GABBR2: variants seen among roughly 807,000 people sequenced by gnomAD.
GABBR2 encodes the protein gamma-aminobutyric acid type B receptor subunit 2.
In GABBR2, 23 loss-of-function variants were observed where a neutral mutation model predicts 105.6. That is an observed-to-expected ratio of 0.22 (90% CI 0.16 to 0.31). The LOEUF (loss-of-function observed/expected upper bound fraction) is 0.31. GABBR2 is among the 10% of genes least tolerant of loss of function. The pLI, the probability that GABBR2 is intolerant of heterozygous loss-of-function variation, is 1.00. For synonymous variants in GABBR2, 478 were observed against 499.7 expected, an observed-to-expected ratio of 0.96 and a Z score of 0.58; for missense variants, 734 against 1,245.5, an observed-to-expected ratio of 0.59 and a Z score of 6.18.
At chr9:98,415,324 T>G (rs181310406) in intron 7 of GABBR2, among the ~76,000 whole-genome samples, 1 of 152,156 alleles carries the variant, frequency 6.6e-6, no homozygotes, top group Non-Finnish European at 1.5e-5. Context: ...CCGGCAAAAA[T>G]AGCAATATCA....
At chr9:98,699,377 C>G (rs985223767) in intron 1 of GABBR2, among the ~76,000 whole-genome samples, 1 of 151,976 alleles carries the variant, frequency 6.6e-6, no homozygotes, top group Admixed American at 6.6e-5. Context: ...TACAGAGCCC[C>G]CAAAAGCACT....
At position 98,481,128 on chromosome 9, in the gene GABBR2, G is replaced by A. The variant is rs138754753; in HGVS notation, c.733-131C>T. ...GAGCTCTGCCTGGGAAGGTGGGCAG[G>A]GCAGAACCTCACCCCCAACCCCAGC... On this transcript the variant is annotated intron_variant, in intron 4 of 18. Coordinates refer to ENST00000259455, the MANE Select transcript of GABBR2 (RefSeq NM_005458.8). 9.8e-5 allele frequency: 68 copies of A among 693,376 alleles called. No individual in the cohort carries two copies. The African/African-American group carries it at 1.0e-3, about 10-fold the overall frequency. 43.0% of individuals were successfully genotyped at this position (693,376 alleles called of 1,614,324 possible). A position where few individuals can be genotyped will look rare whatever the true frequency, so the allele number is the denominator to read the frequency against.
intron 1 of GABBR2, among the ~76,000 whole-genome samples, chr9:98,654,225 G>T (rs1830148041): frequency 6.6e-6 from 1 of 152,108 alleles, no homozygotes; most frequent in Admixed American, 6.5e-5. Flanking sequence ...CTGACACCAC[G>T]GTGCGCTCTA....
chr9:98,605,677 G>A (rs1342208074), intron 1 of GABBR2, among the ~76,000 whole-genome samples: 1 of 152,194 alleles, frequency 6.6e-6, no homozygotes, highest in African/African-American at 2.4e-5. Flanking sequence ...CGTGACATAA[G>A]CAGACTAGTC....
intron 1 of GABBR2, among the ~76,000 whole-genome samples, chr9:98,675,805 G>T (rs1830470071): frequency 6.6e-6 from 1 of 152,060 alleles, no homozygotes; most frequent in South Asian, 2.1e-4. Flanking sequence ...AACCAATGAA[G>T]TTCAGGGTGG....
intron 1 of GABBR2, among the ~76,000 whole-genome samples, chr9:98,704,426 G>T (rs1588290327): frequency 6.6e-6 from 1 of 152,088 alleles, no homozygotes; most frequent in East Asian, 1.9e-4. Flanking sequence ...TAACACATGA[G>T]AAAACATATA....
chr9:98,502,219 G>T (rs1827414799), intron 3 of GABBR2, among the ~76,000 whole-genome samples: 1 of 152,176 alleles, frequency 6.6e-6, no homozygotes, highest in Admixed American at 6.5e-5. Context: ...CAGGTAAACG[G>T]ATGACTCGGA....
intron 11 of GABBR2, among the ~76,000 whole-genome samples, chr9:98,378,912 A>G (rs1372562280): frequency 6.6e-6 from 1 of 152,222 alleles, no homozygotes; most frequent in Non-Finnish European, 1.5e-5. Context: ...AGTAGATAAA[A>G]GAGTTGGGGT....
chr9:98,660,386 A>AT (rs1384346815), intron 1 of GABBR2, among the ~76,000 whole-genome samples: 1 of 152,206 alleles, frequency 6.6e-6, no homozygotes, highest in African/African-American at 2.4e-5. Context: ...GGGAATTACC[A>AT]TTTTTTGCTT....
intron 4 of GABBR2, chr9:98,495,820 C>G (rs1278020212): frequency 6.5e-6 from 1 of 152,850 alleles, no homozygotes; most frequent in Non-Finnish European, 1.5e-5. Context: ...TGAGAGGTCT[C>G]TGTCTTCTTC....
chr9:98,477,645 C>T (rs1290395943), intron 5 of GABBR2, among the ~76,000 whole-genome samples: 1 of 151,990 alleles, frequency 6.6e-6, no homozygotes, highest in Non-Finnish European at 1.5e-5. Flanking sequence ...CCCCATGAAC[C>T]CCTTTGGTTC....
At chr9:98,331,785 T>G (rs185762355) in intron 13 of GABBR2, among the ~76,000 whole-genome samples, 1 of 152,100 alleles carries the variant, frequency 6.6e-6, no homozygotes, top group Non-Finnish European at 1.5e-5. Context: ...GCGTGGAGCA[T>G]GAGAAGGCAC....
chr9:98,609,661 G>A (rs1439069835), intron 1 of GABBR2, among the ~76,000 whole-genome samples: 1 of 152,194 alleles, frequency 6.6e-6, no homozygotes, highest in Non-Finnish European at 1.5e-5. Context: ...AGGGGAGATG[G>A]TGCTCAGGGC....
intron 1 of GABBR2, among the ~76,000 whole-genome samples, chr9:98,591,728 T>A (rs570283957): frequency 6.6e-6 from 1 of 152,062 alleles, no homozygotes; most frequent in African/African-American, 2.4e-5. Flanking sequence ...ATCTCAGTAG[T>A]CTCCTTCATG....
intron 1 of GABBR2, among the ~76,000 whole-genome samples, chr9:98,639,556 C>T (rs948467424): frequency 6.6e-6 from 1 of 151,678 alleles, no homozygotes; most frequent in Admixed American, 6.6e-5. Flanking sequence ...TAAATTGTAG[C>T]CTCATATCTA....
intron 7 of GABBR2, among the ~76,000 whole-genome samples, chr9:98,424,193 T>C (rs1832833618): frequency 6.6e-6 from 1 of 152,186 alleles, no homozygotes; most frequent in Admixed American, 6.5e-5. Flanking sequence ...AATCAATAAA[T>C]GTAATCCAGC....
intron 1 of GABBR2, among the ~76,000 whole-genome samples, chr9:98,704,481 A>G (rs1830869341): frequency 6.6e-6 from 1 of 152,190 alleles, no homozygotes; most frequent in African/African-American, 2.4e-5. Context: ...GTTCACCCAC[A>G]GGATAGAATA....
intron 2 of GABBR2, 48 bp downstream of exon 2, chr9:98,577,887 G>C: frequency 6.4e-7 from 1 of 1,558,968 alleles, no homozygotes; most frequent in Non-Finnish European, 8.7e-7. Flanking sequence ...AAAGACTGAG[G>C]GCCAACCAAA....
chr9:98,360,984 A>C (rs1457724665), intron 13 of GABBR2, among the ~76,000 whole-genome samples: 2 of 151,254 alleles, frequency 1.3e-5, no homozygotes, highest in Non-Finnish European at 1.5e-5. Context: ...CCTTCCACAA[A>C]CTCTGCCTGA....
Sources: allele counts gnomAD v4.1 joint callset (sites outside exome capture counted in the v4.1 genomes callset), GRCh38; gene constraint gnomAD v4.1.1; transcripts MANE v1.5; gene names NCBI Gene and HGNC (gene_info 2026-07-23, HGNC 2026-07-21).